The following FADS3 variants were observed in gnomAD, a reference collection of about 807,000 sequenced individuals.
The protein encoded by FADS3 is fatty acid desaturase 3, also known as cytochrome b5-related protein.
FADS3 carries 30 observed loss-of-function variants against 60.4 expected under a neutral mutation model. The ratio of observed to expected loss-of-function variants is 0.50; its 90% CI spans 0.37 to 0.67. The LOEUF (loss-of-function observed/expected upper bound fraction) is 0.67. Among genes scored for constraint, FADS3 ranks in the 30% least tolerant of loss-of-function variants. FADS3 has a pLI of 0.00. For synonymous variants in FADS3, 234 were observed against 249.3 expected (o/e 0.94, Z 0.58); for missense variants, 432 against 598.3 (o/e 0.72, Z 2.90).
intron 1 of FADS3, among the ~76,000 whole-genome samples, chr11:61,887,793 C>T (rs1277010720): frequency 6.6e-6 from 1 of 152,156 alleles, no homozygotes; most frequent in Non-Finnish European, 1.5e-5. Context: ...TCAATGAGTG[C>T]CGGAAATAAA....
Position 61,877,465 on chromosome 11 carries a change from C to T in FADS3, c.885+46G>A. Reference sequence around the variant, plus strand: ...GTACTGTCCCCCGAGGCACCACCTCCTGCCACGGCAGCCGTATGCCCGGGG... The same window carrying T: ...GTACTGTCCCCCGAGGCACCACCTCTTGCCACGGCAGCCGTATGCCCGGGG... On this transcript the variant is annotated intron_variant, in intron 7 of 11. Transcript: ENST00000278829. This position sits in a 1 kb window ranked among gnomAD's most constrained non-coding sequence, Gnocchi z 4.7. The T allele has an allele frequency of 1.3e-6, 2 of 1,590,206 alleles. No homozygotes were observed. Among genetic ancestry groups the T allele is most frequent in the Non-Finnish European group, 1.7e-6 (2 of 1,163,754 alleles).
chr11:61,880,449 G>A (rs148831347), intron 1 of FADS3: 13 of 241,956 alleles, frequency 5.4e-5, no homozygotes, highest in Non-Finnish European at 7.1e-5. Flanking sequence ...AAGACCTCCC[G>A]GGAAGACTTT....
chr11:61,878,054 G>A (rs759806044), intron 6 of FADS3, 101 bp downstream of exon 6: 145 of 1,025,726 alleles, frequency 1.4e-4, no homozygotes, highest in Non-Finnish European at 2.1e-4. Flanking sequence ...CCTGACAGAC[G>A]TGCCCCGCCC....
chr11:61,873,815 C>T lies in FADS3; in HGVS notation c.1337G>A (p.Ter446=), dbSNP rs1483424403. Residue 446 remains the stop codon, a stop_retained_variant, in exon 12 of 12, where the codon TGA becomes TAA. Transcript: ENST00000278829. ...TCTCTGCCCGCCTGGGTGTTGCCTT[C>T]ACTGATGGAGGTAGGCGTCCAGCCA... ...DIWLDAYLHQ[*] 2 of 1,610,884 alleles carry T rather than the reference C, an allele frequency of 1.2e-6. No individual in the cohort carries two copies. The highest frequency in any genetic ancestry group is 4.5e-5 in the East Asian group (2 of 44,758).
chr11:61,875,390 T>G (rs868186094), intron 11 of FADS3, among the ~76,000 whole-genome samples: 7,225 of 143,852 alleles, frequency 0.05, 665 homozygotes, highest in African/African-American at 0.14. Flanking sequence ...TTTTTTTTTT[T>G]TTTTTTTTTT....
At position 61,876,848 on chromosome 11, in the gene FADS3, C is replaced by T. The variant is rs371514981; in HGVS notation, c.983+18G>A. Reference sequence around the variant, plus strand: ...GTCACCTGTCGCCTGTGTGTGACCTCGCCACTCCCTGCCATACCTGACAGC... The same window carrying T: ...GTCACCTGTCGCCTGTGTGTGACCTTGCCACTCCCTGCCATACCTGACAGC... On this transcript the variant is annotated intron_variant, in intron 8 of 11. Transcript: ENST00000278829. The surrounding 1 kb of genome is among the most constrained non-coding windows in gnomAD (Gnocchi z 5.7). 60 of 1,587,666 alleles carry T rather than the reference C, an allele frequency of 3.8e-5. No homozygotes were observed. Among genetic ancestry groups the T allele is most frequent in the African/African-American group, 2.3e-4 (17 of 74,682 alleles).
Position 61,891,260 on chromosome 11 carries a change from A to G in FADS3, c.122T>C (p.Ile41Thr). ...HDQPGDKWLV[I>T]ERRVYDISRW... ...GCTGATGTCGTAGACGCGGCGCTCGATGACCAGCCACTTGTCGCCGGGCTG... is the reference window on the plus strand; with the variant it reads ...GCTGATGTCGTAGACGCGGCGCTCGGTGACCAGCCACTTGTCGCCGGGCTG... The change falls in exon 1 of 12, where the codon ATC becomes ACC. Residue 41 changes from isoleucine to threonine, a missense_variant. Ile to Thr is a moderately conservative substitution (Grantham distance 89). This residue lies in a region of FADS3 where 167 missense variants were observed against 188.8 expected (regional missense o/e 0.88). Coordinates refer to ENST00000278829, the MANE Select transcript of FADS3 (RefSeq NM_021727.5). 6.5e-7 allele frequency: 1 copy of G among 1,542,090 alleles called. No individual in the cohort carries two copies. The highest frequency in any genetic ancestry group is 1.2e-5 in the South Asian group (1 of 84,092).
At position 61,876,269 on chromosome 11, in the gene FADS3, C is replaced by A. The variant is rs899624287; in HGVS notation, c.1081-79G>T. ...CACGGCACCATCCCCCACCTGGCAG[C>A]CCCGTCAGGGCCTCATCCCTGCTTT... On this transcript the variant is annotated intron_variant, in intron 9 of 11. Transcript: ENST00000278829. The surrounding 1 kb of genome is among the most constrained non-coding windows in gnomAD (Gnocchi z 5.7). 15 of 1,574,332 alleles carry A rather than the reference C, an allele frequency of 9.5e-6. No homozygotes were observed. In the African/African-American group the frequency reaches 2.0e-4, roughly 21 times the overall value.
In FADS3 at chr11:61,876,376, C is replaced by T; in HGVS notation, c.1063G>A (p.Asp355Asn). The change falls in exon 9 of 12, where the codon GAC (aspartate) becomes AAC (asparagine). Residue 355 changes from aspartate (D) to asparagine (N), a missense_variant. Around this residue, in one of 5 missense-constraint regions of FADS3, gnomAD observed 48 missense variants for 101.3 expected, o/e 0.47. Coordinates refer to ENST00000278829, the MANE Select transcript of FADS3 (RefSeq NM_021727.5). The surrounding 1 kb of genome is among the most constrained non-coding windows in gnomAD (Gnocchi z 5.7). ...PKEIGHEKHRDWVSSQLAATC... is the reference protein window; with the variant it reads ...PKEIGHEKHRNWVSSQLAATC... ...CTGCCCACCTGAGAGCTGACCCAGTCCCGGTGCTTCTCGTGGCCGATCTCC... is the reference window on the plus strand; with the variant it reads ...CTGCCCACCTGAGAGCTGACCCAGTTCCGGTGCTTCTCGTGGCCGATCTCC... 1 of 1,613,214 alleles carries T rather than the reference C, an allele frequency of 6.2e-7. No homozygotes were observed. Among genetic ancestry groups the T allele is most frequent in the Non-Finnish European group, 8.5e-7 (1 of 1,180,004 alleles).
At chr11:61,883,731 C>T (rs1381261941) in intron 1 of FADS3, among the ~76,000 whole-genome samples, 1 of 152,242 alleles carries the variant, frequency 6.6e-6, no homozygotes, top group East Asian at 1.9e-4. Context: ...AGATTGGTCT[C>T]CTCGCCTCCT....
rs1333349988 is a variant in FADS3, at chr11:61,878,864, G to T, written c.523-17C>A. 1 of 1,610,734 alleles carries T rather than the reference G, an allele frequency of 6.2e-7. No homozygotes were observed. Among genetic ancestry groups the T allele is most frequent in the Non-Finnish European group, 8.5e-7 (1 of 1,177,736 alleles). On this transcript the variant is annotated splice_polypyrimidine_tract_variant and intron_variant, in intron 3 of 11. Coordinates refer to ENST00000278829, the MANE Select transcript of FADS3 (RefSeq NM_021727.5). ...GGACTGAGCCTGGGGAGAGAGGCAGGGTCAGAAGCTGTTGGGAAGGACGGA... is the reference window on the plus strand; with the variant it reads ...GGACTGAGCCTGGGGAGAGAGGCAGTGTCAGAAGCTGTTGGGAAGGACGGA...
intron 11 of FADS3, 70 bp from the exon 12 acceptor site, chr11:61,873,935 C>G (rs137943385): frequency 2.0e-6 from 2 of 1,013,894 alleles, no homozygotes; most frequent in Non-Finnish European, 3.0e-6. Flanking sequence ...ACCCCTGTAT[C>G]CCCCATGGTA....
intron 1 of FADS3, among the ~76,000 whole-genome samples, chr11:61,886,026 C>G (rs982142167): frequency 3.9e-5 from 6 of 152,186 alleles, no homozygotes; most frequent in African/African-American, 1.4e-4. Flanking sequence ...AAACACAGCT[C>G]TAAACATGGG....
At chr11:61,878,902 C>T in intron 3 of FADS3, 55 bp from the exon 4 acceptor site, 1 of 1,534,966 alleles carries the variant, frequency 6.5e-7, no homozygotes, top group Non-Finnish European at 8.9e-7. Context: ...CCGCCAGGGC[C>T]TGGGGCCCCA....
In FADS3 at chr11:61,878,589, C is replaced by T. The variant is rs771731285; in HGVS notation, c.670G>A (p.Ala224Thr). Reference sequence around the variant, plus strand: ...TCTTTGTGGAAGATGTTGGGCTTGGCGTGGTGCTGGAAGTGGCGGAAGTTC... The same window carrying T: ...TCTTTGTGGAAGATGTTGGGCTTGGTGTGGTGCTGGAAGTGGCGGAAGTTC... ...WWNFRHFQHH[A>T]KPNIFHKDPD... is the part of the protein sequence containing the mutation. Residue 224 changes from alanine (A) to threonine (T), a missense_variant, in exon 5 of 12, where the codon GCC becomes ACC. Transcript: ENST00000278829. The T allele has an allele frequency of 1.2e-6, 2 of 1,614,152 alleles. No homozygotes were observed. The highest frequency in any genetic ancestry group is 1.1e-5 in the South Asian group (1 of 91,084).
Position 61,873,787 on chromosome 11 carries a change from C to A in FADS3, c.*27G>T. On this transcript the variant is annotated 3_prime_UTR_variant, in exon 12 of 12. Coordinates refer to ENST00000278829, the MANE Select transcript of FADS3 (RefSeq NM_021727.5). ...TGGCTTGGTTGCTGGTGCCCTGAGC[C>A]CTTCTCTGCCCGCCTGGGTGTTGCC... 3 of 1,601,112 alleles carry A rather than the reference C, an allele frequency of 1.9e-6. No homozygotes were observed. The highest frequency in any genetic ancestry group is 2.6e-6 in the Non-Finnish European group (3 of 1,173,066).
At position 61,876,516 on chromosome 11, in the gene FADS3, G is replaced by C. The variant is rs1937893473; in HGVS notation, c.984-61C>G. 3.6e-6 allele frequency: 5 copies of C among 1,376,258 alleles called. No individual in the cohort carries two copies. Among genetic ancestry groups the C allele is most frequent in the Non-Finnish European group, 5.2e-6 (5 of 966,072 alleles). The allele number at this position is 1,376,258 out of a possible 1,614,324, so 85.3% of individuals were successfully genotyped here. The stretch of plus-strand genomic sequence containing the variant: ...TCACCACTTAGGCACCCTGAGTGGA[G>C]GCTGGAGAGCAGCTGTCCCCAAGTG... On this transcript the variant is annotated intron_variant, in intron 8 of 11. Transcript: ENST00000278829. The surrounding 1 kb of genome is among the most constrained non-coding windows in gnomAD (Gnocchi z 5.7).
intron 1 of FADS3, among the ~76,000 whole-genome samples, 193 bp downstream of exon 1, chr11:61,890,976 C>A (rs1387274266): frequency 6.6e-6 from 1 of 152,232 alleles, no homozygotes; most frequent in Non-Finnish European, 1.5e-5. Flanking sequence ...GGGTCCTCCA[C>A]GCAGGGAACT....
rs553863242 is a variant in FADS3 at position 61,876,113 on chromosome 11, G to A, written c.1158C>T (p.His386=). The A allele has an allele frequency of 6.2e-7, 1 of 1,610,304 alleles. No homozygotes were observed. Among genetic ancestry groups the A allele is most frequent in the South Asian group, 1.1e-5 (1 of 90,728 alleles). The stretch of plus-strand genomic sequence containing the variant: ...TGGCCCCCAGCACCCACACTCACTG[G>A]TGCTCGATCTGGAAGTTGAGGTGCC... ...FSGHLNFQIE[H]HLFPRMPRHN... The change falls in exon 10 of 12, where the codon CAC becomes CAT. Residue 386 remains histidine (H), a splice_region_variant and synonymous_variant. Coordinates refer to ENST00000278829, the MANE Select transcript of FADS3 (RefSeq NM_021727.5). This position sits in a 1 kb window ranked among gnomAD's most constrained non-coding sequence, Gnocchi z 5.7.
Sources: gnomAD v4.1 joint callset for allele counts (sites outside exome capture counted in the v4.1 genomes callset) on GRCh38, gnomAD v4.1.1 for gene constraint, gnomAD v4.1.1 regional missense constraint, Gnocchi (gnomAD v3.1) non-coding constraint, MANE v1.5 for transcripts, NCBI Gene and HGNC (gene_info 2026-07-23, HGNC 2026-07-21) for gene names.